TEX11: variants seen among roughly 807,000 people sequenced by gnomAD.
TEX11 encodes the protein testis-expressed protein 11.
Under a neutral mutation model 84.4 loss-of-function variants are expected in TEX11, and 7 were observed. The ratio of observed to expected loss-of-function variants is 0.08; its 90% CI spans 0.05 to 0.16. The LOEUF is 0.16. Ranked by LOEUF, TEX11 falls within the 10% of genes least tolerant of loss-of-function variation. TEX11 has a pLI of 1.00. For missense variants in TEX11, 551 were observed against 660.5 expected (o/e 0.83, Z 1.82); for synonymous variants, 264 against 222.8 (o/e 1.18, Z -1.64).
chrX:70,847,493 C>T (rs1211739010), intron 7 of TEX11, among the ~76,000 whole-genome samples: 1 of 111,131 alleles, frequency 9.0e-6, no homozygotes, highest in Non-Finnish European at 1.9e-5. Flanking sequence ...TGTTCTAGTC[C>T]TCTTTCATCT....
Position 70,860,877 on chromosome X carries a change from T to C in TEX11, c.304A>G (p.Ser102Gly). The C allele has an allele frequency of 8.4e-7, 1 of 1,194,612 alleles. No homozygotes were observed. Among genetic ancestry groups the C allele is most frequent in the South Asian group, 1.8e-5 (1 of 54,409 alleles). ...CTTACCATAATCAGTCGTTGAATAC[T>C]TTGTTCTGAGGCAAATGAGGCTTCA... is the stretch of plus-strand genomic sequence containing the variant. ...MCEASFASEQ[S>G]IQRLIMMNMR... The change falls in exon 5 of 30, where the codon AGT becomes GGT. Residue 102 changes from serine to glycine, a missense_variant. Ser to Gly is a moderately conservative substitution (Grantham distance 56). Coordinates refer to ENST00000374333, the MANE Select transcript of TEX11 (RefSeq NM_031276.3).
Position 70,705,865 on chromosome X carries a change from C to G in TEX11, c.1004+16753G>C, listed in dbSNP as rs988203109. Among the ~76,000 whole-genome samples the G allele has an allele frequency of 5.4e-5, 6 of 111,669 alleles. No individual in the cohort carries two copies. The East Asian group carries it at 1.4e-3, about 26-fold the overall frequency. ...ACACTTTTACACTGCTGGTGGGACT[C>G]TAAACTAGTTCAACCATTGTGGAAG... is the stretch of plus-strand genomic sequence containing the variant. On this transcript the variant is annotated intron_variant, in intron 13 of 29. Coordinates refer to ENST00000374333, the MANE Select transcript of TEX11 (RefSeq NM_031276.3).
At chrX:70,750,965 T>TATATATATAA (rs2090818710) in intron 9 of TEX11, among the ~76,000 whole-genome samples, 1 of 74,328 alleles carries the variant, frequency 1.3e-5, no homozygotes, top group Non-Finnish European at 2.7e-5. Context: ...TATATATATA[T>TATATATATAA]AAAAGTCAGG....
chrX:70,820,001 G>A lies in TEX11; in HGVS notation c.607-13211C>T, dbSNP rs186056994. Among the ~76,000 whole-genome samples the A allele has an allele frequency of 3.3e-3, 367 of 111,764 alleles. 2 individuals are homozygous for A. The highest frequency in any genetic ancestry group is 6.0e-3 in the Non-Finnish European group (321 of 53,123). ...TTAAAATGTCCATACTACCTAAAAT[G>A]ATCTACAGATTCAATGTAATACTAT... On this transcript the variant is annotated intron_variant, in intron 8 of 29. Coordinates refer to ENST00000374333, the MANE Select transcript of TEX11 (RefSeq NM_031276.3).
At chrX:70,710,498 C>T (rs763461110) in intron 13 of TEX11, among the ~76,000 whole-genome samples, 11 of 109,215 alleles carry the variant, frequency 1.0e-4, no homozygotes, top group African/African-American at 3.3e-4. Flanking sequence ...TCAGGAATTA[C>T]GGATAAATGG....
intron 28 of TEX11, 71 bp downstream of exon 28, chrX:70,552,055 T>C: frequency 1.9e-6 from 2 of 1,048,156 alleles, no homozygotes; most frequent in African/African-American, 1.9e-5. Flanking sequence ...TTATTGTATA[T>C]AATTTATAGT....
At chrX:70,532,626 C>T (rs369312234) in intron 28 of TEX11, among the ~76,000 whole-genome samples, 7 of 112,222 alleles carry the variant, frequency 6.2e-5, no homozygotes, top group African/African-American at 1.6e-4. Flanking sequence ...CCCAGCTACT[C>T]GGGAGGCTGA....
At chrX:70,832,053 G>C (rs1386903490) in intron 8 of TEX11, among the ~76,000 whole-genome samples, 1 of 111,634 alleles carries the variant, frequency 9.0e-6, no homozygotes, top group Non-Finnish European at 1.9e-5. Flanking sequence ...TTAATCAAGA[G>C]ATCAAAGCTA....
chrX:70,663,874 C>T (rs2089953284), intron 16 of TEX11, among the ~76,000 whole-genome samples: 1 of 111,345 alleles, frequency 9.0e-6, no homozygotes, highest in Non-Finnish European at 1.9e-5. Flanking sequence ...GGTTCCAGGA[C>T]ACCCTCGGAT....
intron 13 of TEX11, among the ~76,000 whole-genome samples, chrX:70,697,630 A>G (rs1381765621): frequency 1.8e-5 from 2 of 112,124 alleles, no homozygotes; most frequent in Non-Finnish European, 3.8e-5. Flanking sequence ...ATGTAAAATG[A>G]TGGATTTGAA....
At chrX:70,788,967 TATATATAG>T (rs1307017556) in intron 9 of TEX11, among the ~76,000 whole-genome samples, 33 of 31,983 alleles carry the variant, frequency 1.0e-3, no homozygotes, top group Non-Finnish European at 1.2e-3. Flanking sequence ...TATATATATA[TATATATAG>T]AGAGAGAGAG....
chrX:70,752,127 A>T (rs1393943157), intron 9 of TEX11, among the ~76,000 whole-genome samples: 1 of 112,150 alleles, frequency 8.9e-6, no homozygotes, highest in Non-Finnish European at 1.9e-5. Context: ...TAAAAACACA[A>T]TAAATATGTT....
At chrX:70,907,684 G>A (rs1357963477) in intron 2 of TEX11, 69 bp downstream of exon 2, 19 of 869,214 alleles carry the variant, frequency 2.2e-5, no homozygotes, top group South Asian at 1.9e-4. Context: ...GAGCCACCGC[G>A]CCCAGCAATA....
chrX:70,819,150 G>A (rs1382794865), intron 8 of TEX11, among the ~76,000 whole-genome samples: 1 of 111,479 alleles, frequency 9.0e-6, no homozygotes, highest in African/African-American at 3.3e-5. Context: ...GAAAACTGCA[G>A]GCCAATTTCC....
At chrX:70,617,974 C>T (rs2089338469) in intron 20 of TEX11, among the ~76,000 whole-genome samples, 1 of 112,164 alleles carries the variant, frequency 8.9e-6, no homozygotes, top group South Asian at 3.8e-4. Context: ...CAAAGAGCTG[C>T]TTAATTTATG....
chrX:70,619,580 A>G (rs56752532), intron 20 of TEX11, among the ~76,000 whole-genome samples: 9,710 of 111,471 alleles, frequency 0.087, 926 homozygotes, highest in African/African-American at 0.27. Context: ...TTACATCAGT[A>G]CCTCAAAAGA....
At chrX:70,618,380 G>A (rs1319973581) in intron 20 of TEX11, among the ~76,000 whole-genome samples, 5 of 111,126 alleles carry the variant, frequency 4.5e-5, no homozygotes, top group African/African-American at 9.9e-5. Flanking sequence ...CCCTTGAGGC[G>A]GCCCCCTGGG....
intron 9 of TEX11, among the ~76,000 whole-genome samples, chrX:70,800,635 T>G (rs2091181517): frequency 9.2e-6 from 1 of 108,729 alleles, no homozygotes; most frequent in Non-Finnish European, 1.9e-5. Flanking sequence ...AACTGAACAG[T>G]GGTGATTTCT....
chrX:70,563,991 G>A (rs958532744), intron 25 of TEX11, among the ~76,000 whole-genome samples: 2 of 112,186 alleles, frequency 1.8e-5, no homozygotes, highest in African/African-American at 6.5e-5. Flanking sequence ...CACTTTGGGA[G>A]GCCGAGGCGG....
Sources: gnomAD v4.1 joint callset for allele counts (sites outside exome capture counted in the v4.1 genomes callset) on GRCh38, gnomAD v4.1.1 for gene constraint, MANE v1.5 for transcripts, NCBI Gene and HGNC (gene_info 2026-07-23, HGNC 2026-07-21) for gene names.